The following KCNT2 variants were observed in gnomAD, a reference collection of about 807,000 sequenced individuals.
KCNT2 encodes potassium channel subfamily T member 2.
Under a neutral mutation model 153.8 loss-of-function variants are expected in KCNT2, and 67 were observed. The ratio of observed to expected loss-of-function variants is 0.44; its 90% CI spans 0.36 to 0.53. The LOEUF (loss-of-function observed/expected upper bound fraction) is 0.53. Ranked by LOEUF, KCNT2 falls within the 20% of genes least tolerant of loss-of-function variation. The pLI, the probability that KCNT2 is intolerant of heterozygous loss-of-function variation, is 0.00. For missense variants in KCNT2, 975 were observed against 1,354.8 expected (o/e 0.72, Z 4.40); for synonymous variants, 500 against 458.8 (o/e 1.09, Z -1.15).
chr1:196,362,096 G>A (rs1667675656), intron 14 of KCNT2, among the ~76,000 whole-genome samples: 1 of 152,046 alleles, frequency 6.6e-6, no homozygotes, highest in Non-Finnish European at 1.5e-5. Flanking sequence ...TAGTTCATTT[G>A]AGCATGCTCC....
chr1:196,234,458 T>C (rs1260800195), intron 27 of KCNT2, among the ~76,000 whole-genome samples: 2 of 151,456 alleles, frequency 1.3e-5, no homozygotes, highest in East Asian at 3.9e-4. Context: ...TAAATCTATT[T>C]ACATAGGGGC....
intron 3 of KCNT2, among the ~76,000 whole-genome samples, chr1:196,488,966 A>C (rs922868836): frequency 2.0e-5 from 3 of 152,034 alleles, no homozygotes; most frequent in Non-Finnish European, 2.9e-5. Flanking sequence ...ACTGGGCTAC[A>C]AGGCACAATA....
At chr1:196,310,611 G>A (rs1286781890) in intron 21 of KCNT2, among the ~76,000 whole-genome samples, 1 of 151,616 alleles carries the variant, frequency 6.6e-6, no homozygotes, top group East Asian at 1.9e-4. Context: ...TGTACATGTT[G>A]TTTCCTTCGT....
At chr1:196,404,865 A>G (rs1281047049) in intron 12 of KCNT2, among the ~76,000 whole-genome samples, 1 of 151,700 alleles carries the variant, frequency 6.6e-6, no homozygotes, top group Non-Finnish European at 1.5e-5. Flanking sequence ...TCATATTGAT[A>G]GTGTGAACAT....
intron 22 of KCNT2, among the ~76,000 whole-genome samples, chr1:196,301,102 G>T (rs929131217): frequency 4.6e-5 from 7 of 152,152 alleles, no homozygotes; most frequent in African/African-American, 1.7e-4. Context: ...AAGCAAGACT[G>T]AAGTCTGTCA....
intron 9 of KCNT2, among the ~76,000 whole-genome samples, chr1:196,429,008 C>CTT (rs143860054): frequency 1.4e-5 from 2 of 138,834 alleles, no homozygotes; most frequent in Admixed American, 7.2e-5. Flanking sequence ...CATGTTCAGA[C>CTT]TTTTTTTTTT....
chr1:196,545,050 A>C (rs1263612616), intron 1 of KCNT2, among the ~76,000 whole-genome samples: 1 of 152,100 alleles, frequency 6.6e-6, no homozygotes, highest in Admixed American at 6.6e-5. Context: ...TTTTTTAAAA[A>C]TCCTAGCCCA....
intron 1 of KCNT2, among the ~76,000 whole-genome samples, chr1:196,555,395 T>C (rs1658507576): frequency 6.6e-6 from 1 of 151,220 alleles, no homozygotes. Context: ...AGCAATTCCA[T>C]TTACAATAGT....
intron 8 of KCNT2, among the ~76,000 whole-genome samples, chr1:196,431,193 G>C (rs1674118326): frequency 1.3e-5 from 2 of 152,076 alleles, no homozygotes; most frequent in African/African-American, 4.8e-5. Context: ...ATATGTTTCT[G>C]TTCATAAATT....
chr1:196,250,373 C>T (rs1655850726), intron 26 of KCNT2, among the ~76,000 whole-genome samples: 3 of 152,070 alleles, frequency 2.0e-5, no homozygotes, highest in Admixed American at 6.6e-5. Context: ...GTGCCAAGAA[C>T]ATACATTGGG....
At chr1:196,580,683 T>G (rs1197467014) in intron 1 of KCNT2, among the ~76,000 whole-genome samples, 1 of 152,122 alleles carries the variant, frequency 6.6e-6, no homozygotes, top group Non-Finnish European at 1.5e-5. Flanking sequence ...ATTACTGTAT[T>G]GGAAGAATGG....
At chr1:196,333,812 C>G in intron 17 of KCNT2, 35 bp downstream of exon 17, 1 of 1,307,094 alleles carries the variant, frequency 7.7e-7, no homozygotes, top group Non-Finnish European at 1.1e-6. Context: ...AGCACAAAAC[C>G]CAGTAATCTT....
At chr1:196,232,882 T>A (rs963692684) in intron 27 of KCNT2, among the ~76,000 whole-genome samples, 5 of 151,398 alleles carry the variant, frequency 3.3e-5, no homozygotes, top group African/African-American at 1.2e-4. Flanking sequence ...AAACATAATT[T>A]ATTATAAAAT....
At chr1:196,530,738 T>A (rs986676176) in intron 1 of KCNT2, among the ~76,000 whole-genome samples, 3 of 152,090 alleles carry the variant, frequency 2.0e-5, no homozygotes, top group Non-Finnish European at 4.4e-5. Context: ...ATAAGAAACA[T>A]CGTTTACACT....
At chr1:196,591,842 G>A (rs1297251273) in intron 1 of KCNT2, among the ~76,000 whole-genome samples, 1 of 152,134 alleles carries the variant, frequency 6.6e-6, no homozygotes, top group African/African-American at 2.4e-5. Context: ...TTACTAGAAT[G>A]AGATATTACA....
Position 196,225,874 on chromosome 1 carries a change from T to C in KCNT2, c.*2350A>G, listed in dbSNP as rs1653454176. 1 of 152,070 alleles carries C rather than the reference T, an allele frequency of 6.6e-6. No individual in the cohort carries two copies. Among genetic ancestry groups the C allele is most frequent in the Non-Finnish European group, 1.5e-5 (1 of 67,950 alleles). 9.4% of individuals were successfully genotyped at this position (152,070 alleles called of 1,614,324 possible). ...AGACAATAAACAGAATCAATTCCCATTGGGCTACAAGGACTATTATTGACT... is the reference window on the plus strand; with the variant it reads ...AGACAATAAACAGAATCAATTCCCACTGGGCTACAAGGACTATTATTGACT... On this transcript the variant is annotated 3_prime_UTR_variant, in exon 28 of 28. Transcript: ENST00000294725.
At chr1:196,423,592 G>C (rs551475931) in intron 11 of KCNT2, among the ~76,000 whole-genome samples, 1 of 151,460 alleles carries the variant, frequency 6.6e-6, no homozygotes, top group East Asian at 2.0e-4. Flanking sequence ...CTCATACTAG[G>C]GTTCAATATT....
intron 13 of KCNT2, among the ~76,000 whole-genome samples, chr1:196,385,016 C>T (rs1669842130): frequency 6.6e-6 from 1 of 151,954 alleles, no homozygotes; most frequent in African/African-American, 2.4e-5. Context: ...AATAAACTAA[C>T]ATATAAAAAA....
At chr1:196,273,654 A>G (rs912645850) in intron 25 of KCNT2, among the ~76,000 whole-genome samples, 3 of 151,906 alleles carry the variant, frequency 2.0e-5, no homozygotes, top group Admixed American at 2.0e-4. Context: ...ACAAAATTAG[A>G]TAAAGAATAA....
Sources: gnomAD v4.1 joint callset for allele counts (sites outside exome capture counted in the v4.1 genomes callset) on GRCh38, gnomAD v4.1.1 for gene constraint, MANE v1.5 for transcripts, NCBI Gene and HGNC (gene_info 2026-07-23, HGNC 2026-07-21) for gene names.